The following BSN variants were observed in gnomAD, a reference collection of about 807,000 sequenced individuals.
The protein encoded by BSN is protein bassoon.
Under a neutral mutation model 264.8 loss-of-function variants are expected in BSN, and 57 were observed. That is an observed-to-expected ratio of 0.22 (90% confidence interval 0.17 to 0.27). The LOEUF is 0.27. Ranked by LOEUF, BSN falls within the 10% of genes least tolerant of loss-of-function variation. BSN has a pLI of 1.00. For missense variants in BSN, 4,615 were observed against 5,232.5 expected (o/e 0.88, Z 3.64); for synonymous variants, 2,059 against 2,137.3 (o/e 0.96, Z 1.01).
Position 49,664,856 on chromosome 3 carries a change from G to A in BSN, c.*14+3G>A, listed in dbSNP as rs1024739082. The A allele has an allele frequency of 8.1e-6, 13 of 1,604,020 alleles. No homozygotes were observed. The highest frequency in any genetic ancestry group is 1.1e-5 in the Non-Finnish European group (13 of 1,173,808). On this transcript the variant is annotated splice_donor_region_variant and intron_variant, in intron 10 of 11. Transcript: ENST00000296452. ...TTCTGGTGACCATGCCCAGCATGGT[G>A]AGTACAAGCAGCCTGTACCTTGCCT...
intron 1 of BSN, among the ~76,000 whole-genome samples, chr3:49,566,750 C>T (rs2051754798): frequency 7.0e-6 from 1 of 143,176 alleles, no homozygotes; most frequent in Admixed American, 7.3e-5. Flanking sequence ...CGTGCCACTG[C>T]ACTCCAGCCT....
Position 49,638,442 on chromosome 3 carries a change from G to C in BSN, c.634-3826G>C, listed in dbSNP as rs9830730. Among the ~76,000 whole-genome samples, 124,453 of 152,100 alleles carry C rather than the reference G, an allele frequency of 0.82. 51,281 individuals are homozygous for C. The highest frequency in any genetic ancestry group is 0.99 in the East Asian group (5,092 of 5,136). ...GAGGTTGGGCTCCTCCCAGGAAACTGCTGGGGATCTGTCGGGGAGGCAGAG... is the reference window on the plus strand; with the variant it reads ...GAGGTTGGGCTCCTCCCAGGAAACTCCTGGGGATCTGTCGGGGAGGCAGAG... On this transcript the variant is annotated intron_variant, in intron 2 of 11. Transcript: ENST00000296452. This position sits in a 1 kb window ranked among gnomAD's most constrained non-coding sequence, Gnocchi z 4.3.
intron 2 of BSN, among the ~76,000 whole-genome samples, chr3:49,627,222 G>A (rs1009692409): frequency 2.6e-5 from 4 of 152,192 alleles, no homozygotes; most frequent in African/African-American, 7.2e-5. Flanking sequence ...CCAGGACAGG[G>A]CTATGGTTGG....
Position 49,656,489 on chromosome 3 carries a change from T to A in BSN, c.6933T>A (p.Leu2311=). The A allele has an allele frequency of 6.3e-7, 1 of 1,595,366 alleles. No homozygotes were observed. The highest frequency in any genetic ancestry group is 8.6e-7 in the Non-Finnish European group (1 of 1,169,118). Residue 2311 remains leucine (L), a synonymous_variant, in exon 5 of 12, where the codon CTT becomes CTA. Coordinates refer to ENST00000296452, the MANE Select transcript of BSN (RefSeq NM_003458.4). ...TAGGGGCTGCACGGGAAGAGCCTCT[T>A]CCCACAACCACCCCTGCTGCCATCA... The part of the protein sequence containing the change: ...MPVGAAREEP[L]PTTTPAAIKE...
chr3:49,606,119 G>A (rs1236673949), intron 1 of BSN, among the ~76,000 whole-genome samples: 3 of 25,142 alleles, frequency 1.2e-4, no homozygotes, highest in African/African-American at 3.7e-4. Flanking sequence ...TAATATATAC[G>A]TATATATTAT....
intron 1 of BSN, among the ~76,000 whole-genome samples, chr3:49,570,738 G>A (rs1430253413): frequency 6.6e-6 from 1 of 152,208 alleles, no homozygotes; most frequent in Non-Finnish European, 1.5e-5. Context: ...GCCTGGTGGG[G>A]ACTCTTGGGG....
chr3:49,591,123 A>T (rs1343791714), intron 1 of BSN, among the ~76,000 whole-genome samples: 1 of 152,054 alleles, frequency 6.6e-6, no homozygotes, highest in Admixed American at 6.6e-5. Context: ...GAGCAAGTGT[A>T]TATTTGTAGA....
chr3:49,648,108 GCCTCT>G (rs2052513824), intron 3 of BSN, among the ~76,000 whole-genome samples: 1 of 152,258 alleles, frequency 6.6e-6, no homozygotes, highest in Non-Finnish European at 1.5e-5. Context: ...TGAGAGCTGG[GCCTCT>G]GGGCTCAGGC....
rs4855851 is a variant in BSN, at chr3:49,612,205, G to C, written c.225-12770G>C. Among the ~76,000 whole-genome samples the C allele has an allele frequency of 4.1e-3, 612 of 149,934 alleles. 15 individuals carry two copies. The highest frequency in any genetic ancestry group is 0.03 in the Admixed American group (454 of 15,018). ...GGCTGGAGTGCAGTGGTGCAATCTC[G>C]GCTCACTGCAAGCTCCGCCTCCCGG... On this transcript the variant is annotated intron_variant, in intron 1 of 11. Transcript: ENST00000296452.
rs2052741861 is a variant in BSN at position 49,669,691 on chromosome 3, A to G, written c.*2206A>G. 1 of 152,278 alleles carries G rather than the reference A, an allele frequency of 6.6e-6. No homozygotes were observed. 9.4% of individuals were successfully genotyped at this position (152,278 alleles called of 1,614,324 possible). On this transcript the variant is annotated 3_prime_UTR_variant, in exon 12 of 12. Transcript: ENST00000296452. ...AGCTGGGCCTTTGGCACTTGTGGTG[A>G]GAACAGTTGACAGTGGTCATCTGGA...
At chr3:49,581,893 G>A (rs2051897993) in intron 1 of BSN, among the ~76,000 whole-genome samples, 2 of 152,100 alleles carry the variant, frequency 1.3e-5, no homozygotes, top group African/African-American at 4.8e-5. Flanking sequence ...GGGGGTCTTG[G>A]AACATATCCC....
At chr3:49,579,455 T>A (rs2051876610) in intron 1 of BSN, among the ~76,000 whole-genome samples, 1 of 151,736 alleles carries the variant, frequency 6.6e-6, no homozygotes, top group South Asian at 2.1e-4. Flanking sequence ...CAGGCTGGAG[T>A]GCAGTGGCAG....
intron 1 of BSN, among the ~76,000 whole-genome samples, chr3:49,605,890 ATATT>A (rs1457443812): frequency 4.5e-5 from 3 of 66,050 alleles, no homozygotes; most frequent in Admixed American, 3.0e-4. Context: ...AGATATAAAT[ATATT>A]TATGTCTATA....
intron 3 of BSN, among the ~76,000 whole-genome samples, chr3:49,643,437 A>G (rs563164944): frequency 6.6e-6 from 1 of 152,300 alleles, no homozygotes; most frequent in African/African-American, 2.4e-5. Context: ...CCCCATTTCC[A>G]GCTACCATGG....
chr3:49,624,268 G>A (rs937784526), intron 1 of BSN, among the ~76,000 whole-genome samples: 1 of 144,564 alleles, frequency 6.9e-6, no homozygotes, highest in Non-Finnish European at 1.5e-5. Context: ...CCCAAAGTGC[G>A]GGGATTCCAG....
At position 49,642,610 on chromosome 3, in the gene BSN, G is replaced by T. The variant is rs760042472; in HGVS notation, c.976G>T (p.Ala326Ser). 1 of 1,602,610 alleles carries T rather than the reference G, an allele frequency of 6.2e-7. No homozygotes were observed. Among genetic ancestry groups the T allele is most frequent in the Admixed American group, 1.7e-5 (1 of 59,202 alleles). ...CAGGCCACCTGCAGGAGAGGCCCCG[G>T]CCAAAAGTGCCACCGCAGTGCCCGC... ...EPRPPAGEAP[A>S]KSATAVPAGL... Residue 326 changes from alanine (A) to serine (S), a missense_variant, in exon 3 of 12, where the codon GCC (alanine) becomes TCC (serine). Ala to Ser is a moderately conservative substitution (Grantham distance 99). Coordinates refer to ENST00000296452, the MANE Select transcript of BSN (RefSeq NM_003458.4). This position sits in a 1 kb window ranked among gnomAD's most constrained non-coding sequence, Gnocchi z 7.0.
At chr3:49,605,872 T>TTATATATATATAAATATATTTATATC (rs1327516006) in intron 1 of BSN, among the ~76,000 whole-genome samples, 2 of 48,140 alleles carry the variant, frequency 4.2e-5, no homozygotes, top group African/African-American at 8.1e-5. Flanking sequence ...TTATATCTAT[T>TTATATATATATAAATATATTTATATC]TATATATAGA....
At chr3:49,560,679 A>G (rs2107998123) in intron 1 of BSN, among the ~76,000 whole-genome samples, 1 of 152,260 alleles carries the variant, frequency 6.6e-6, no homozygotes. Context: ...CTGCATTTGT[A>G]GCACTTGCCC....
intron 3 of BSN, among the ~76,000 whole-genome samples, chr3:49,646,832 A>G (rs1231735444): frequency 6.6e-6 from 1 of 152,196 alleles, no homozygotes; most frequent in African/African-American, 2.4e-5. Context: ...AAGGATACAC[A>G]CTGGGGACAC....
Sources: gnomAD v4.1 joint callset for allele counts (sites outside exome capture counted in the v4.1 genomes callset) on GRCh38, gnomAD v4.1.1 for gene constraint, Gnocchi (gnomAD v3.1) non-coding constraint, MANE v1.5 for transcripts, NCBI Gene and HGNC (gene_info 2026-07-23, HGNC 2026-07-21) for gene names.